FILIP1L: variants seen among roughly 807,000 people sequenced by gnomAD.
The protein encoded by FILIP1L is filamin A interacting protein 1 like, also known as filamin A-interacting protein 1-like.
Under a neutral mutation model 96.6 loss-of-function variants are expected in FILIP1L, and 55 were observed. That is an observed-to-expected ratio of 0.57 (90% CI 0.46 to 0.71). The LOEUF (loss-of-function observed/expected upper bound fraction) is 0.71, where lower values mean the gene tolerates loss of function less well. Among genes scored for constraint, FILIP1L ranks in the 30% least tolerant of loss-of-function variants. The pLI, the probability that FILIP1L is intolerant of heterozygous loss-of-function variation, is 0.00. For synonymous variants in FILIP1L, 467 were observed against 473.9 expected (o/e 0.99, Z 0.19); for missense variants, 1,304 against 1,321.2 (o/e 0.99, Z 0.20).
Position 99,850,301 on chromosome 3 carries a change from A to G in FILIP1L, c.1375T>C (p.Ser459Pro), listed in dbSNP as rs1943609816. Reference sequence around the variant, plus strand: ...ACTTTTAAACTCTCCAGTTCTTGAGACAACTGCTTTGTGGTCATCCTTTCT... The same window carrying G: ...ACTTTTAAACTCTCCAGTTCTTGAGGCAACTGCTTTGTGGTCATCCTTTCT... ...EKERMTTKQL[S>P]QELESLKVRI... Residue 459 changes from serine (S) to proline (P), a missense_variant, in exon 5 of 6, where the codon TCT (serine) becomes CCT (proline). Physicochemically the swap from Ser to Pro is moderately conservative, Grantham distance 74. Coordinates refer to ENST00000477258, the MANE Select transcript of FILIP1L (RefSeq NM_001387850.1). 2 of 1,613,804 alleles carry G rather than the reference A, an allele frequency of 1.2e-6. No individual in the cohort carries two copies. Among genetic ancestry groups the G allele is most frequent in the East Asian group, 4.5e-5 (2 of 44,856 alleles).
intron 1 of FILIP1L, among the ~76,000 whole-genome samples, chr3:100,020,418 G>A (rs1008478071): frequency 1.4e-4 from 22 of 152,124 alleles, no homozygotes; most frequent in African/African-American, 5.3e-4. Context: ...TATTCCCTCT[G>A]TAGTCACTGA....
intron 1 of FILIP1L, among the ~76,000 whole-genome samples, chr3:99,979,601 T>C (rs1709062862): frequency 6.6e-6 from 1 of 152,152 alleles, no homozygotes; most frequent in Admixed American, 6.6e-5. Flanking sequence ...TAGAAAATGG[T>C]TTTTTAAAGA....
intron 4 of FILIP1L, among the ~76,000 whole-genome samples, chr3:99,868,332 C>T (rs1559667928): frequency 6.6e-6 from 1 of 152,122 alleles, no homozygotes; most frequent in Non-Finnish European, 1.5e-5. Context: ...AAGCTTAATC[C>T]TTTACTCCAC....
intron 4 of FILIP1L, among the ~76,000 whole-genome samples, chr3:99,872,316 TGTGTGTGA>T (rs1315194480): frequency 6.7e-6 from 1 of 148,888 alleles, no homozygotes; most frequent in African/African-American, 2.5e-5. Context: ...TGTGTGTGTG[TGTGTGTGA>T]CTGTGGGGCC....
intron 1 of FILIP1L, among the ~76,000 whole-genome samples, chr3:99,977,485 T>C (rs772003685): frequency 2.6e-5 from 4 of 151,990 alleles, no homozygotes; most frequent in Non-Finnish European, 5.9e-5. Flanking sequence ...CTATGAGAGA[T>C]GTCAAGGAAG....
chr3:99,909,427 G>T (rs955454102), intron 4 of FILIP1L, among the ~76,000 whole-genome samples: 1 of 152,090 alleles, frequency 6.6e-6, no homozygotes, highest in Non-Finnish European at 1.5e-5. Context: ...GGTGTGGGTG[G>T]AGTCATGGTA....
At chr3:100,046,562 T>C (rs1377814617) in intron 1 of FILIP1L, among the ~76,000 whole-genome samples, 1 of 152,150 alleles carries the variant, frequency 6.6e-6, no homozygotes, top group African/African-American at 2.4e-5. Flanking sequence ...GTTGTTACAA[T>C]TGGTTGTTGT....
chr3:99,972,614 C>T (rs531546440), intron 1 of FILIP1L, among the ~76,000 whole-genome samples: 4 of 152,238 alleles, frequency 2.6e-5, no homozygotes, highest in East Asian at 3.9e-4. Context: ...CATGGGCTGT[C>T]GCGAGAGCTT....
intron 1 of FILIP1L, among the ~76,000 whole-genome samples, chr3:99,982,154 A>G (rs1263992913): frequency 6.6e-6 from 1 of 152,118 alleles, no homozygotes; most frequent in Non-Finnish European, 1.5e-5. Context: ...TAAGTGCTAT[A>G]TATTTCGGTA....
chr3:100,055,124 C>T (rs1370539040), intron 1 of FILIP1L, among the ~76,000 whole-genome samples: 4 of 152,104 alleles, frequency 2.6e-5, no homozygotes, highest in African/African-American at 9.7e-5. Context: ...CGTGGTCTGC[C>T]CTTCAGAACA....
Position 99,830,512 on chromosome 3 carries a change from G to A in FILIP1L, c.3475C>T (p.Pro1159Ser). 1 of 456,688 alleles carries A rather than the reference G, an allele frequency of 2.2e-6. No homozygotes were observed. Among genetic ancestry groups the A allele is most frequent in the South Asian group, 1.5e-5 (1 of 64,560 alleles). The allele number at this position is 456,688 out of a possible 1,614,324, so 28.3% of individuals were successfully genotyped here. A position where few individuals can be genotyped will look rare whatever the true frequency, so the allele number is the denominator to read the frequency against. The change falls in exon 6 of 6, where the codon CCT becomes TCT. Residue 1159 changes from proline (P) to serine (S), a missense_variant. Coordinates refer to ENST00000477258, the MANE Select transcript of FILIP1L (RefSeq NM_001387850.1). The part of the protein sequence containing the change: ...TKISTKAPTV[P>S]MDKPIYQNGC... The stretch of plus-strand genomic sequence containing the variant: ...TTTTGGTAAATAGGCTTATCCATAG[G>A]CACTGTGGGGGCTTTAGTGGAAATC...
intron 4 of FILIP1L, among the ~76,000 whole-genome samples, chr3:99,870,427 T>C (rs1272066776): frequency 6.6e-6 from 1 of 152,210 alleles, no homozygotes; most frequent in African/African-American, 2.4e-5. Context: ...TTTTTATGTG[T>C]AGCTGATCTC....
At chr3:99,883,894 C>T (rs565714346) in intron 4 of FILIP1L, among the ~76,000 whole-genome samples, 1 of 152,234 alleles carries the variant, frequency 6.6e-6, no homozygotes, top group South Asian at 2.1e-4. Flanking sequence ...AATGATGGCA[C>T]CAGAGTTTGA....
intron 4 of FILIP1L, among the ~76,000 whole-genome samples, chr3:99,868,792 T>A (rs942128942): frequency 1.3e-5 from 2 of 152,232 alleles, no homozygotes; most frequent in African/African-American, 2.4e-5. Context: ...GTTCCCATCT[T>A]TTCCATGAAT....
Position 99,849,914 on chromosome 3 carries a change from A to C in FILIP1L, c.1762T>G (p.Leu588Val), listed in dbSNP as rs1943577921. ...TCCAATGATTGAAGCCTATTTTTCA[A>C]CATATTAACTCTTGACAGGAGATCA... The part of the protein sequence containing the change: ...GNDLLSRVNM[L>V]KNRLQSLEAI... Residue 588 changes from leucine (L) to valine (V), a missense_variant, in exon 5 of 6, where the codon TTG becomes GTG. By Grantham distance (32) the Leu-to-Val change is conservative. Coordinates refer to ENST00000477258, the MANE Select transcript of FILIP1L (RefSeq NM_001387850.1). 1 of 1,611,504 alleles carries C rather than the reference A, an allele frequency of 6.2e-7. No individual in the cohort carries two copies. The highest frequency in any genetic ancestry group is 1.3e-5 in the African/African-American group (1 of 74,728).
intron 1 of FILIP1L, among the ~76,000 whole-genome samples, chr3:100,033,461 G>A (rs2065053855): frequency 6.6e-6 from 1 of 152,132 alleles, no homozygotes; most frequent in Admixed American, 6.6e-5. Context: ...CTTCTTGAAG[G>A]TCTTGACTAA....
chr3:100,099,455 A>C lies in FILIP1L; in HGVS notation c.-11+14598T>G, dbSNP rs1351992119. Among the ~76,000 whole-genome samples, 3 of 152,158 alleles carry C rather than the reference A, an allele frequency of 2.0e-5. No homozygotes were observed. In the East Asian group the frequency reaches 5.8e-4, roughly 29 times the overall value. On this transcript the variant is annotated intron_variant, in intron 1 of 5. Coordinates refer to ENST00000477258, the MANE Select transcript of FILIP1L (RefSeq NM_001387850.1). ...GGTAAGGAAGGTAGAGGAAGAAGAG[A>C]GCTGATCTTGTAGCTAGGATGGTAG...
chr3:99,895,395 T>A (rs1706217250), intron 4 of FILIP1L, among the ~76,000 whole-genome samples: 1 of 150,950 alleles, frequency 6.6e-6, no homozygotes, highest in East Asian at 1.9e-4. Context: ...TTTTTTTTTT[T>A]ACTATGTATC....
chr3:100,035,472 C>T (rs1299623222), intron 1 of FILIP1L, among the ~76,000 whole-genome samples: 1 of 152,156 alleles, frequency 6.6e-6, no homozygotes, highest in African/African-American at 2.4e-5. Flanking sequence ...AGGGTTTCAC[C>T]ATGTTGGCCA....
Sources: allele counts gnomAD v4.1 joint callset (sites outside exome capture counted in the v4.1 genomes callset), GRCh38; gene constraint gnomAD v4.1.1; transcripts MANE v1.5; gene names NCBI Gene and HGNC (gene_info 2026-07-23, HGNC 2026-07-21).